The following A1CF variants were observed in gnomAD, a reference collection of about 807,000 sequenced individuals.
A1CF encodes the protein APOBEC1 complementation factor.
In A1CF, 48 loss-of-function variants were observed where a neutral mutation model predicts 68.9. The observed-to-expected ratio is 0.70, with a 90% CI of 0.55 to 0.89. The LOEUF is 0.89. Ranked by LOEUF, A1CF falls within the 40% of genes least tolerant of loss-of-function variation. A1CF has a pLI of 0.00. For missense variants in A1CF, 653 were observed against 718.9 expected, an observed-to-expected ratio of 0.91 and a Z score of 1.05; for synonymous variants, 272 against 260.4, an observed-to-expected ratio of 1.04 and a Z score of -0.43.
intron 3 of A1CF, chr10:50,850,941 T>A: frequency 3.2e-6 from 3 of 939,396 alleles, no homozygotes; most frequent in African/African-American, 1.7e-5. Flanking sequence ...CTTTTTGAAT[T>A]AACTATTATT....
chr10:50,827,320 C>T (rs1200667810), intron 7 of A1CF, among the ~76,000 whole-genome samples: 1 of 152,188 alleles, frequency 6.6e-6, no homozygotes, highest in African/African-American at 2.4e-5. Context: ...CCCAAATCAA[C>T]AGAATATACA....
At chr10:50,882,740 C>T (rs10994838) in intron 1 of A1CF, among the ~76,000 whole-genome samples, 45,140 of 151,992 alleles carry the variant, frequency 0.3, 8,218 homozygotes, top group Middle Eastern at 0.48. Flanking sequence ...TATCCTCTGT[C>T]GATCAATACT....
intron 1 of A1CF, among the ~76,000 whole-genome samples, chr10:50,879,357 T>C (rs1050690224): frequency 6.6e-6 from 1 of 152,218 alleles, no homozygotes; most frequent in Non-Finnish European, 1.5e-5. Flanking sequence ...TGCAACCAAG[T>C]CATTCATCAC....
intron 6 of A1CF, among the ~76,000 whole-genome samples, chr10:50,832,932 T>G (rs1177968232): frequency 6.6e-6 from 1 of 152,172 alleles, no homozygotes; most frequent in Non-Finnish European, 1.5e-5. Context: ...TTCTAGATGC[T>G]TAATAAATAT....
intron 3 of A1CF, among the ~76,000 whole-genome samples, chr10:50,858,644 T>C (rs1178713074): frequency 6.6e-6 from 1 of 152,154 alleles, no homozygotes; most frequent in Non-Finnish European, 1.5e-5. Flanking sequence ...CACAAATGTT[T>C]CTAATATCAA....
At chr10:50,873,493 A>G (rs1050152317) in intron 1 of A1CF, among the ~76,000 whole-genome samples, 7 of 152,106 alleles carry the variant, frequency 4.6e-5, no homozygotes, top group Non-Finnish European at 8.8e-5. Context: ...TCAAATGACC[A>G]TATAATTCAT....
chr10:50,841,821 A>C, intron 5 of A1CF, 41 bp downstream of exon 5: 1 of 1,606,486 alleles, frequency 6.2e-7, no homozygotes, highest in South Asian at 1.1e-5. Flanking sequence ...ACACAGGTGC[A>C]TTGTTTGTTT....
intron 9 of A1CF, among the ~76,000 whole-genome samples, chr10:50,814,849 A>AT (rs1160514166): frequency 6.6e-6 from 1 of 152,062 alleles, no homozygotes; most frequent in Non-Finnish European, 1.5e-5. Flanking sequence ...TAATGAGGTG[A>AT]TTTTATATTC....
intron 1 of A1CF, among the ~76,000 whole-genome samples, chr10:50,872,925 TTTATTC>T (rs1390637496): frequency 6.6e-6 from 1 of 151,320 alleles, no homozygotes; most frequent in African/African-American, 2.4e-5. Flanking sequence ...CATGCTTACT[TTTATTC>T]TTATATTTAA....
At chr10:50,815,244 GT>G (rs1464981865) in intron 9 of A1CF, among the ~76,000 whole-genome samples, 1 of 152,164 alleles carries the variant, frequency 6.6e-6, no homozygotes, top group East Asian at 1.9e-4. Flanking sequence ...GGACAAGCTA[GT>G]TTCTTGGAAA....
rs1264928403 is a variant in A1CF, at chr10:50,800,019, C to A, written c.*6710G>T. ...GAATTATAAAGAAAATGCCAAGTTT[C>A]AAAATAAAATTTACATTTGTAAAAA... On this transcript the variant is annotated 3_prime_UTR_variant, in exon 13 of 13. Coordinates refer to ENST00000373997, the MANE Select transcript of A1CF (RefSeq NM_014576.4). 6.6e-6 allele frequency: 1 copy of A among 151,736 alleles called. No homozygotes were observed. Among genetic ancestry groups the A allele is most frequent in the African/African-American group, 2.4e-5 (1 of 41,336 alleles). 9.4% of individuals were successfully genotyped at this position (151,736 alleles called of 1,614,324 possible). A position where few individuals can be genotyped will look rare whatever the true frequency, so the allele number is the denominator to read the frequency against.
Position 50,802,536 on chromosome 10 carries a change from G to A in A1CF, c.*4193C>T, listed in dbSNP as rs1442314513. ...AAAGTGTATCTACAATACATAAAAA[G>A]TGCCAAGTTTCTAGTCTAATTTTTA... On this transcript the variant is annotated 3_prime_UTR_variant, in exon 13 of 13. Coordinates refer to ENST00000373997, the MANE Select transcript of A1CF (RefSeq NM_014576.4). The A allele has an allele frequency of 2.0e-5, 3 of 152,088 alleles. No homozygotes were observed. The highest frequency in any genetic ancestry group is 2.9e-5 in the Non-Finnish European group (2 of 68,000). 9.4% of individuals were successfully genotyped at this position (152,088 alleles called of 1,614,324 possible). A position where few individuals can be genotyped will look rare whatever the true frequency, so the allele number is the denominator to read the frequency against.
rs1451175080 is a variant in A1CF, at chr10:50,806,745, C to T, written c.1745G>A (p.Gly582Glu). 4 of 1,604,820 alleles carry T rather than the reference C, an allele frequency of 2.5e-6. No homozygotes were observed. The highest frequency in any genetic ancestry group is 1.7e-6 in the Non-Finnish European group (2 of 1,176,522). ...PTFAVTARGD[G>E]YGTF ...AAAGCATCTTCAGAAGGTGCCATAT[C>T]CATCCCCTCGGGCAGTCACTGCAAA... is the stretch of plus-strand genomic sequence containing the variant. Residue 582 changes from glycine to glutamate, a missense_variant, in exon 13 of 13, where the codon GGA (glycine) becomes GAA (glutamate). Transcript: ENST00000373997.
intron 1 of A1CF, among the ~76,000 whole-genome samples, chr10:50,884,951 T>C (rs1202168206): frequency 6.6e-6 from 1 of 152,210 alleles, no homozygotes; most frequent in Non-Finnish European, 1.5e-5. Flanking sequence ...TAATTAGCCA[T>C]TCCAAGGTTC....
At chr10:50,854,763 C>A (rs2132506739) in intron 3 of A1CF, among the ~76,000 whole-genome samples, 1 of 151,624 alleles carries the variant, frequency 6.6e-6, no homozygotes, top group East Asian at 1.9e-4. Context: ...ACTAAGGAAG[C>A]AAAACAGAAG....
At chr10:50,863,232 C>T (rs1374285202) in intron 2 of A1CF, among the ~76,000 whole-genome samples, 1 of 152,078 alleles carries the variant, frequency 6.6e-6, no homozygotes, top group African/African-American at 2.4e-5. Flanking sequence ...AAAAACAACC[C>T]CCTCTCAAAG....
At chr10:50,834,360 G>T (rs1484840592) in intron 6 of A1CF, among the ~76,000 whole-genome samples, 1 of 152,208 alleles carries the variant, frequency 6.6e-6, no homozygotes, top group African/African-American at 2.4e-5. Flanking sequence ...TCTCAAGAAG[G>T]TGCTGGCTGG....
intron 1 of A1CF, among the ~76,000 whole-genome samples, chr10:50,873,560 C>T (rs553089049): frequency 5.9e-5 from 9 of 152,108 alleles, no homozygotes; most frequent in African/African-American, 2.2e-4. Context: ...CTTTCCTGCT[C>T]TTTTGGTGAC....
At chr10:50,823,703 A>G (rs1047144882) in intron 7 of A1CF, 4 of 152,198 alleles carry the variant, frequency 2.6e-5, no homozygotes, top group Non-Finnish European at 5.9e-5. Flanking sequence ...TAGAATGACT[A>G]TAATTGGAAA....
Sources: allele counts gnomAD v4.1 joint callset (sites outside exome capture counted in the v4.1 genomes callset), GRCh38; gene constraint gnomAD v4.1.1; transcripts MANE v1.5; gene names NCBI Gene and HGNC (gene_info 2026-07-23, HGNC 2026-07-21).